Variants in PTBP3 observed in about 807,000 individuals in gnomAD.
PTBP3 encodes polypyrimidine tract binding protein 3.
PTBP3 carries 20 observed loss-of-function variants against 58.7 expected under a neutral mutation model. That is an observed-to-expected ratio of 0.34 (90% CI 0.24 to 0.50). PTBP3 has a LOEUF of 0.50. Among genes scored for constraint, PTBP3 ranks in the 20% least tolerant of loss-of-function variants. The pLI, the probability that PTBP3 is intolerant of heterozygous loss-of-function variation, is 0.98. For missense variants in PTBP3, 509 were observed against 637.2 expected (o/e 0.80, Z 2.17); for synonymous variants, 185 against 219.8 (o/e 0.84, Z 1.40).
chr9:112,263,929 A>G (rs1266301231), intron 4 of PTBP3, among the ~76,000 whole-genome samples: 1 of 152,158 alleles, frequency 6.6e-6, no homozygotes, highest in Non-Finnish European at 1.5e-5. Flanking sequence ...TGATTGTCTC[A>G]AAATTTAAAG....
In PTBP3 at chr9:112,275,696, A is replaced by AC. The variant is rs148819196; in HGVS notation, c.204+147dup. ...ACTACTGTTTGTTGCTTCCTGTTAC[A>AC]CCCCCCCAAAAAAATCTACTTTTAA... On this transcript the variant is annotated intron_variant, in intron 3 of 13. Coordinates refer to ENST00000374257, the MANE Select transcript of PTBP3 (RefSeq NM_001163788.4). 3.6e-3 allele frequency: 2,263 copies of AC among 621,988 alleles called. 41 individuals carry two copies. In the African/African-American group the frequency reaches 0.037, roughly 10 times the overall value. 38.5% of individuals were successfully genotyped at this position (621,988 alleles called of 1,614,324 possible).
intron 1 of PTBP3, among the ~76,000 whole-genome samples, chr9:112,305,757 G>A (rs966358083): frequency 1.2e-4 from 18 of 152,026 alleles, no homozygotes; most frequent in Non-Finnish European, 1.9e-4. Context: ...TGGCTGACAC[G>A]GTGTAACCCC....
chr9:112,329,487 T>A (rs984748746), intron 1 of PTBP3, among the ~76,000 whole-genome samples: 2 of 152,192 alleles, frequency 1.3e-5, no homozygotes, highest in African/African-American at 4.8e-5. Flanking sequence ...GAATCATTAT[T>A]ATAAAATACT....
intron 1 of PTBP3, among the ~76,000 whole-genome samples, chr9:112,303,628 G>A (rs1829044062): frequency 6.6e-6 from 1 of 152,114 alleles, no homozygotes; most frequent in Admixed American, 6.5e-5. Flanking sequence ...CACTTTGGGA[G>A]GCTGAGGCGG....
At chr9:112,365,577 T>A in the PTBP3 span, among the ~76,000 whole-genome samples, 1 of 152,204 alleles carries the variant, frequency 6.6e-6, no homozygotes, top group African/African-American at 2.4e-5. Context: ...GTCTTGGGTA[T>A]GTCTTTATCA....
At chr9:112,312,864 C>G (rs888376363) in intron 1 of PTBP3, among the ~76,000 whole-genome samples, 18 of 151,614 alleles carry the variant, frequency 1.2e-4, no homozygotes, top group Non-Finnish European at 2.4e-4. Flanking sequence ...GGCAACATGG[C>G]GAAACCCTGT....
At chr9:112,260,307 A>G (rs1165052426) in intron 5 of PTBP3, among the ~76,000 whole-genome samples, 2 of 152,240 alleles carry the variant, frequency 1.3e-5, no homozygotes, top group Admixed American at 1.3e-4. Context: ...ATGAGAGAGA[A>G]CATCATCTTC....
chr9:112,325,124 T>C (rs1178694663), intron 1 of PTBP3, among the ~76,000 whole-genome samples: 2 of 152,154 alleles, frequency 1.3e-5, no homozygotes, highest in African/African-American at 4.8e-5. Flanking sequence ...TTTTAAATAC[T>C]GTTATATATT....
intron 3 of PTBP3, among the ~76,000 whole-genome samples, chr9:112,273,726 G>A (rs1434816671): frequency 6.6e-6 from 1 of 152,106 alleles, no homozygotes; most frequent in Non-Finnish European, 1.5e-5. Context: ...CTACCCAGAG[G>A]AAGGCTGGGA....
chr9:112,232,818 G>A (rs1482940691), intron 8 of PTBP3, among the ~76,000 whole-genome samples: 1 of 152,024 alleles, frequency 6.6e-6, no homozygotes, highest in Non-Finnish European at 1.5e-5. Context: ...TACTTCTCTA[G>A]GTACTATGGA....
chr9:112,242,209 G>A (rs915427181), intron 7 of PTBP3, among the ~76,000 whole-genome samples: 3 of 151,968 alleles, frequency 2.0e-5, no homozygotes, highest in African/African-American at 7.3e-5. Flanking sequence ...CTTGATTAGA[G>A]CACACTCAAG....
chr9:112,319,516 A>C (rs1332698217), intron 1 of PTBP3, among the ~76,000 whole-genome samples: 1 of 152,200 alleles, frequency 6.6e-6, no homozygotes, highest in East Asian at 1.9e-4. Context: ...ATGACCTCAC[A>C]TCTGTTAGAA....
upstream of PTBP3, among the ~76,000 whole-genome samples, chr9:112,334,084 G>A (rs1830510839): frequency 6.6e-6 from 1 of 151,922 alleles, no homozygotes; most frequent in African/African-American, 2.4e-5. Flanking sequence ...CAGAAACGAG[G>A]TGGAATTGCC....
chr9:112,263,327 C>T (rs1284830713), intron 4 of PTBP3, among the ~76,000 whole-genome samples: 1 of 152,120 alleles, frequency 6.6e-6, no homozygotes. Context: ...CTTAAAGTAC[C>T]TGCCCACAAA....
intron 12 of PTBP3, among the ~76,000 whole-genome samples, chr9:112,224,868 A>T (rs10125639): frequency 0.021 from 3,129 of 152,298 alleles, 110 homozygotes; most frequent in African/African-American, 0.072. Context: ...AGTCCTCATG[A>T]CAAGGAACTG....
At chr9:112,349,611 C>A in the PTBP3 span, among the ~76,000 whole-genome samples, 1 of 151,976 alleles carries the variant, frequency 6.6e-6, no homozygotes, top group Admixed American at 6.6e-5. Flanking sequence ...GTAATCCCAG[C>A]ACTTTGGGTG....
intron 1 of PTBP3, among the ~76,000 whole-genome samples, chr9:112,325,181 G>A (rs2132463196): frequency 6.6e-6 from 1 of 152,054 alleles, no homozygotes; most frequent in East Asian, 1.9e-4. Flanking sequence ...AGAGGGAAGG[G>A]TCCCCGGAGA....
At position 112,229,244 on chromosome 9, in the gene PTBP3, T is replaced by C. The variant is rs112839228; in HGVS notation, c.1055-772A>G. ...TTACAATATATTTCAGTTTATGTGC[T>C]ACAGAGTATCATCAATATTATAAAA... On this transcript the variant is annotated intron_variant, in intron 10 of 13. Transcript: ENST00000374257. 9.1e-4 allele frequency among the ~76,000 whole-genome samples: 138 copies of C among 152,316 alleles called. 1 individual carries two copies. The highest frequency in any genetic ancestry group is 3.2e-3 in the African/African-American group (131 of 41,568).
the PTBP3 span, among the ~76,000 whole-genome samples, chr9:112,346,912 T>C: frequency 6.6e-6 from 1 of 152,092 alleles, no homozygotes; most frequent in Non-Finnish European, 1.5e-5. Context: ...TTAGTAGAGA[T>C]GGAGTTTCGC....
Sources: allele counts gnomAD v4.1 joint callset (sites outside exome capture counted in the v4.1 genomes callset), GRCh38; gene constraint gnomAD v4.1.1; transcripts MANE v1.5; gene names NCBI Gene and HGNC (gene_info 2026-07-23, HGNC 2026-07-21).